RUFY3: variants seen among roughly 807,000 people sequenced by gnomAD.
The protein encoded by RUFY3 is RUN and FYVE domain containing 3.
In RUFY3, 34 loss-of-function variants were observed where a neutral mutation model predicts 84.0. The observed-to-expected ratio is 0.40, with a 90% CI of 0.31 to 0.54. The LOEUF (loss-of-function observed/expected upper bound fraction) is 0.54. Ranked by LOEUF, RUFY3 falls within the 20% of genes least tolerant of loss-of-function variation. The pLI is 0.39. For missense variants in RUFY3, 507 were observed against 736.8 expected, an observed-to-expected ratio of 0.69 and a Z score of 3.61; for synonymous variants, 242 against 252.9, an observed-to-expected ratio of 0.96 and a Z score of 0.41.
Position 70,793,795 on chromosome 4 carries a change from G to T in RUFY3, c.1348G>T (p.Ala450Ser), listed in dbSNP as rs1043379147. 1 of 1,613,888 alleles carries T rather than the reference G, an allele frequency of 6.2e-7. No individual in the cohort carries two copies. Among genetic ancestry groups the T allele is most frequent in the African/African-American group, 1.3e-5 (1 of 74,890 alleles). Residue 450 changes from alanine (A) to serine (S), a missense_variant, in exon 13 of 18, where the codon GCT becomes TCT. Transcript: ENST00000381006. ...IKQLEQRLRQ[A>S]ERSRQSAELD... The stretch of plus-strand genomic sequence containing the variant: ...GTGGCTCACATCCAGATTGCGCCAG[G>T]CTGAGCGAAGCCGCCAATCTGCTGA...
At chr4:70,786,465 T>G (rs987505686) in intron 10 of RUFY3, among the ~76,000 whole-genome samples, 8 of 152,038 alleles carry the variant, frequency 5.3e-5, no homozygotes, top group Non-Finnish European at 1.2e-4. Context: ...AATATACTCA[T>G]GTAGTAAAGA....
At chr4:70,747,056 A>C (rs1469358048) in intron 1 of RUFY3, among the ~76,000 whole-genome samples, 2 of 152,240 alleles carry the variant, frequency 1.3e-5, no homozygotes, top group African/African-American at 4.8e-5. Flanking sequence ...GAACTAGGTT[A>C]AAAGTACATG....
chr4:70,710,440 G>A (rs1337830301), intron 1 of RUFY3, among the ~76,000 whole-genome samples: 2 of 152,296 alleles, frequency 1.3e-5, no homozygotes, highest in South Asian at 2.1e-4. Context: ...GGAGGCCAAG[G>A]CAGGCGGATC....
chr4:70,711,255 G>A (rs527483396), intron 1 of RUFY3, among the ~76,000 whole-genome samples: 4 of 151,856 alleles, frequency 2.6e-5, no homozygotes, highest in South Asian at 2.1e-4. Context: ...CACCATGTCC[G>A]GCCTCAAGCA....
chr4:70,800,075 A>G, intron 14 of RUFY3, 66 bp from the exon 15 acceptor site: 1 of 1,482,178 alleles, frequency 6.7e-7, no homozygotes, highest in Non-Finnish European at 9.2e-7. Context: ...TGCAGAAGAA[A>G]ATATTTGCAA....
intron 14 of RUFY3, 103 bp from the exon 15 acceptor site, chr4:70,800,038 C>G: frequency 9.4e-7 from 1 of 1,060,432 alleles, no homozygotes; most frequent in Non-Finnish European, 1.4e-6. Context: ...AAAAAAGCTA[C>G]TTAGCTTTAT....
At chr4:70,794,197 C>T (rs1731223754) in intron 13 of RUFY3, among the ~76,000 whole-genome samples, 1 of 152,124 alleles carries the variant, frequency 6.6e-6, no homozygotes. Context: ...TTACTGTGTG[C>T]CAGATACTTT....
chr4:70,753,442 T>G (rs1271790694), intron 1 of RUFY3, among the ~76,000 whole-genome samples: 2 of 152,226 alleles, frequency 1.3e-5, no homozygotes, highest in Admixed American at 6.5e-5. Context: ...CTTATATACA[T>G]GTATGTTGGT....
intron 15 of RUFY3, among the ~76,000 whole-genome samples, chr4:70,800,912 T>C (rs1388622362): frequency 6.6e-6 from 1 of 152,130 alleles, no homozygotes; most frequent in Non-Finnish European, 1.5e-5. Context: ...ATAAGTACTC[T>C]GATTTCTCTT....
chr4:70,776,384 C>T (rs748189667), intron 7 of RUFY3, among the ~76,000 whole-genome samples: 2 of 152,030 alleles, frequency 1.3e-5, no homozygotes, highest in Non-Finnish European at 2.9e-5. Context: ...AGGTTTTTTT[C>T]CCCCTTCAGT....
intron 4 of RUFY3, among the ~76,000 whole-genome samples, chr4:70,766,550 C>G (rs6821117): frequency 0.2 from 30,884 of 152,132 alleles, 6,831 homozygotes; most frequent in African/African-American, 0.55. Flanking sequence ...CGCCTGTTTC[C>G]ATTTTTTTAA....
chr4:70,791,493 T>A, intron 12 of RUFY3: 1 of 1,381,456 alleles, frequency 7.2e-7, no homozygotes, highest in Non-Finnish European at 9.4e-7. Context: ...CTCCCCAGGG[T>A]TAGAAAAATT....
chr4:70,770,840 G>C (rs973192912), intron 5 of RUFY3, among the ~76,000 whole-genome samples: 1 of 151,940 alleles, frequency 6.6e-6, no homozygotes, highest in African/African-American at 2.4e-5. Context: ...AATTTTTTCT[G>C]GCTTTTGATT....
At chr4:70,758,350 G>A (rs1268774632) in intron 1 of RUFY3, among the ~76,000 whole-genome samples, 2 of 152,172 alleles carry the variant, frequency 1.3e-5, no homozygotes, top group African/African-American at 4.8e-5. Context: ...TTATTTGTAG[G>A]CCAGGTGTAG....
At chr4:70,752,124 T>C (rs1039558620) in intron 1 of RUFY3, among the ~76,000 whole-genome samples, 4 of 152,212 alleles carry the variant, frequency 2.6e-5, no homozygotes, top group Admixed American at 1.3e-4. Flanking sequence ...TAGTTTTCCA[T>C]GTACAAGTCT....
chr4:70,783,003 G>T, intron 8 of RUFY3, 88 bp from the exon 9 acceptor site: 2 of 759,806 alleles, frequency 2.6e-6, no homozygotes, highest in Non-Finnish European at 4.2e-6. Context: ...ATCCAAGCCT[G>T]AGAATTACAT....
At chr4:70,760,135 G>A (rs764066776) in intron 1 of RUFY3, among the ~76,000 whole-genome samples, 20 of 152,232 alleles carry the variant, frequency 1.3e-4, no homozygotes, top group Non-Finnish European at 2.6e-4. Context: ...TCCCATAGAC[G>A]CTAGTTAACC....
intron 12 of RUFY3, chr4:70,792,071 G>T (rs1032967653): frequency 5.0e-5 from 49 of 985,432 alleles, no homozygotes; most frequent in Non-Finnish European, 5.9e-5. Flanking sequence ...CTGCAATTCC[G>T]CTTCCTACTT....
intron 1 of RUFY3, among the ~76,000 whole-genome samples, chr4:70,726,202 C>T (rs1718204787): frequency 6.6e-6 from 1 of 152,106 alleles, no homozygotes; most frequent in Non-Finnish European, 1.5e-5. Context: ...GACTGAGGGG[C>T]TGGGTGGCTG....
Sources: gnomAD v4.1 joint callset for allele counts (sites outside exome capture counted in the v4.1 genomes callset) on GRCh38, gnomAD v4.1.1 for gene constraint, MANE v1.5 for transcripts, NCBI Gene and HGNC (gene_info 2026-07-23, HGNC 2026-07-21) for gene names.